Variants in KAZN observed in about 807,000 individuals in gnomAD.
KAZN encodes kazrin.
A neutral mutation model predicts 87.4 loss-of-function variants in KAZN; 40 were observed. The ratio of observed to expected loss-of-function variants is 0.46; its 90% CI spans 0.36 to 0.60. The LOEUF (loss-of-function observed/expected upper bound fraction) is 0.60, where lower values mean the gene tolerates loss of function less well. KAZN is among the 20% of genes least tolerant of loss of function. The pLI is 0.00. For missense variants in KAZN, 898 were observed against 1,073.9 expected, an observed-to-expected ratio of 0.84 and a Z score of 2.29; for synonymous variants, 466 against 458.3, an observed-to-expected ratio of 1.02 and a Z score of -0.22.
At position 14,332,376 on chromosome 1, in the gene KAZN, T is replaced by C. The variant is rs115461062; in HGVS notation, c.249+151784T>C. On this transcript the variant is annotated intron_variant, in intron 2 of 16. Coordinates refer to the KAZN transcript ENST00000636203. ...TTGCTGAGTCACGGGAGATGGAATG[T>C]CCACCTTTGGGGATAATGCTGAAGA... is the stretch of plus-strand genomic sequence containing the variant. Among the ~76,000 whole-genome samples the C allele has an allele frequency of 8.7e-3, 1,329 of 152,258 alleles. 25 individuals carry two copies. The highest frequency in any genetic ancestry group is 0.03 in the African/African-American group (1,261 of 41,548).
chr1:14,456,462 T>C (rs12567471), intron 2 of KAZN, among the ~76,000 whole-genome samples: 87,565 of 151,932 alleles, frequency 0.58, 25,927 homozygotes, highest in African/African-American at 0.7. Flanking sequence ...CGTTTATACC[T>C]GTTCTTACAA....
At chr1:14,415,969 T>C (rs989009180) in intron 2 of KAZN, among the ~76,000 whole-genome samples, 3 of 152,094 alleles carry the variant, frequency 2.0e-5, no homozygotes, top group African/African-American at 7.2e-5. Context: ...CCAGGGGCTG[T>C]AGTCAGGTGA....
intron 2 of KAZN, among the ~76,000 whole-genome samples, chr1:14,209,557 G>T (rs920795506): frequency 1.3e-5 from 2 of 152,008 alleles, no homozygotes; most frequent in African/African-American, 4.8e-5. Context: ...ATAAATTAAG[G>T]CATAAAAACA....
chr1:14,064,487 T>C (rs1327083202), intron 1 of KAZN, among the ~76,000 whole-genome samples: 1 of 152,182 alleles, frequency 6.6e-6, no homozygotes, highest in African/African-American at 2.4e-5. Context: ...TTGGAGCCCA[T>C]GCTGTAGAGG....
chr1:14,579,565 C>T (rs901227560), intron 2 of KAZN, among the ~76,000 whole-genome samples: 6 of 150,966 alleles, frequency 4.0e-5, no homozygotes, highest in Non-Finnish European at 7.4e-5. Flanking sequence ...GTGGAGCTTG[C>T]GGTGAGCCGA....
At chr1:14,843,336 C>G (rs1648254595) in intron 1 of KAZN, among the ~76,000 whole-genome samples, 1 of 152,178 alleles carries the variant, frequency 6.6e-6, no homozygotes, top group Non-Finnish European at 1.5e-5. Context: ...GAGAAGACCT[C>G]TCTGAGGAGG....
intron 1 of KAZN, among the ~76,000 whole-genome samples, chr1:14,707,579 G>C (rs181870097): frequency 4.6e-5 from 7 of 152,078 alleles, no homozygotes; most frequent in Non-Finnish European, 1.0e-4. Context: ...GTACTCTCCA[G>C]CTCACCCTGT....
At chr1:14,774,049 C>T (rs1245016745) in intron 1 of KAZN, among the ~76,000 whole-genome samples, 1 of 152,222 alleles carries the variant, frequency 6.6e-6, no homozygotes, top group East Asian at 1.9e-4. Flanking sequence ...ATCCAAGGAT[C>T]CAGGAGACCC....
At chr1:14,232,889 A>C (rs1648002635) in intron 2 of KAZN, among the ~76,000 whole-genome samples, 1 of 152,234 alleles carries the variant, frequency 6.6e-6, no homozygotes. Context: ...TATCACATGA[A>C]AATGTGGCCA....
At chr1:13,934,335 C>G (rs553555492) in intron 1 of KAZN, among the ~76,000 whole-genome samples, 1 of 152,082 alleles carries the variant, frequency 6.6e-6, no homozygotes, top group African/African-American at 2.4e-5. Flanking sequence ...TGGCACTCCC[C>G]GGGGAAGCGT....
intron 1 of KAZN, among the ~76,000 whole-genome samples, chr1:14,009,571 T>C (rs1640193130): frequency 6.6e-6 from 1 of 152,206 alleles, no homozygotes; most frequent in Non-Finnish European, 1.5e-5. Context: ...TATTTTTAAT[T>C]CCCATTTTAT....
intron 2 of KAZN, among the ~76,000 whole-genome samples, chr1:14,547,822 C>G (rs1673256080): frequency 6.6e-6 from 1 of 152,042 alleles, no homozygotes; most frequent in South Asian, 2.1e-4. Context: ...ATCTCCTGAC[C>G]TTGCGATCTG....
At chr1:15,000,769 G>A (rs1668383300) in intron 2 of KAZN, among the ~76,000 whole-genome samples, 1 of 151,958 alleles carries the variant, frequency 6.6e-6, no homozygotes, top group African/African-American at 2.4e-5. Context: ...GCCTGGCACA[G>A]TGCTTGTACG....
intron 1 of KAZN, among the ~76,000 whole-genome samples, chr1:14,109,195 G>A (rs902288328): frequency 6.6e-6 from 1 of 152,208 alleles, no homozygotes; most frequent in Admixed American, 6.5e-5. Flanking sequence ...ATCTAGCCTA[G>A]AGTGAGGTCA....
At chr1:15,043,616 A>T (rs114288737) in intron 3 of KAZN, among the ~76,000 whole-genome samples, 2,190 of 140,880 alleles carry the variant, frequency 0.016, 42 homozygotes, top group African/African-American at 0.055. Context: ...GCCACATGTC[A>T]TGGGGCCTCC....
intron 1 of KAZN, among the ~76,000 whole-genome samples, chr1:14,033,380 G>A (rs1424933453): frequency 6.6e-6 from 1 of 152,174 alleles, no homozygotes; most frequent in Non-Finnish European, 1.5e-5. Flanking sequence ...GGCTCTGAAT[G>A]CCACAGTCAT....
intron 2 of KAZN, among the ~76,000 whole-genome samples, chr1:14,208,706 T>C (rs560013307): frequency 4.6e-4 from 70 of 152,358 alleles, no homozygotes; most frequent in African/African-American, 1.6e-3. Context: ...AGCATGGATA[T>C]AATTTTCTGC....
intron 1 of KAZN, among the ~76,000 whole-genome samples, chr1:14,602,880 A>G (rs1677087388): frequency 6.6e-6 from 1 of 152,230 alleles, no homozygotes; most frequent in African/African-American, 2.4e-5. Flanking sequence ...TGCTGATAGC[A>G]TCTTTCTTTG....
intron 1 of KAZN, among the ~76,000 whole-genome samples, chr1:14,101,322 A>T (rs373758574): frequency 6.6e-6 from 1 of 152,368 alleles, no homozygotes; most frequent in African/African-American, 2.4e-5. Context: ...CACCATTTGG[A>T]GAATAACACC....
Sources: gnomAD v4.1 joint callset for allele counts (sites outside exome capture counted in the v4.1 genomes callset) on GRCh38, gnomAD v4.1.1 for gene constraint, MANE v1.5 for transcripts, NCBI Gene and HGNC (gene_info 2026-07-23, HGNC 2026-07-21) for gene names.